The following FHOD3 variants were observed in gnomAD, a reference collection of about 807,000 sequenced individuals.
FHOD3 encodes FH1/FH2 domain-containing protein 3.
Under a neutral mutation model 173.0 loss-of-function variants are expected in FHOD3, and 90 were observed. The observed-to-expected ratio is 0.52, with a 90% CI of 0.44 to 0.62. The LOEUF is 0.62. Among genes scored for constraint, FHOD3 ranks in the 20% least tolerant of loss-of-function variants. The pLI, the probability that FHOD3 is intolerant of heterozygous loss-of-function variation, is 0.00. For synonymous variants in FHOD3, 828 were observed against 823.0 expected (o/e 1.01, Z -0.10); for missense variants, 1,945 against 2,034.7 (o/e 0.96, Z 0.85).
chr18:36,515,890 G>A (rs1366406677), intron 5 of FHOD3, among the ~76,000 whole-genome samples: 1 of 152,198 alleles, frequency 6.6e-6, no homozygotes, highest in Admixed American at 6.5e-5. Flanking sequence ...AGGTGCCTTT[G>A]CATGCCTATG....
chr18:36,460,996 T>A (rs2052515754), intron 3 of FHOD3, among the ~76,000 whole-genome samples: 1 of 152,076 alleles, frequency 6.6e-6, no homozygotes, highest in South Asian at 2.1e-4. Context: ...GCCAAGACCT[T>A]CGGAGCGGTG....
chr18:36,722,120 T>C (rs1242889602), intron 19 of FHOD3, among the ~76,000 whole-genome samples: 1 of 152,234 alleles, frequency 6.6e-6, no homozygotes, highest in Non-Finnish European at 1.5e-5. Flanking sequence ...GGTATTTTAA[T>C]AAGATGAATC....
chr18:36,324,889 A>G (rs1342681650), intron 1 of FHOD3, among the ~76,000 whole-genome samples: 1 of 152,198 alleles, frequency 6.6e-6, no homozygotes, highest in Non-Finnish European at 1.5e-5. Flanking sequence ...TACAAAACAG[A>G]GCAGTCTGTG....
At chr18:36,326,566 G>C (rs2044681245) in intron 1 of FHOD3, among the ~76,000 whole-genome samples, 1 of 152,062 alleles carries the variant, frequency 6.6e-6, no homozygotes, top group South Asian at 2.1e-4. Context: ...CCAGGACTTT[G>C]AGACTAGCCT....
chr18:36,765,501 G>T (rs927130736), intron 27 of FHOD3, among the ~76,000 whole-genome samples: 1 of 152,164 alleles, frequency 6.6e-6, no homozygotes, highest in Non-Finnish European at 1.5e-5. Flanking sequence ...GATAATAGCA[G>T]CAGACCCATA....
intron 2 of FHOD3, among the ~76,000 whole-genome samples, chr18:36,368,733 T>A (rs528386457): frequency 4.6e-5 from 7 of 152,262 alleles, no homozygotes; most frequent in African/African-American, 1.7e-4. Context: ...AAACTTAGAA[T>A]CATGGCAGAA....
chr18:36,397,309 T>G (rs1434703444), intron 3 of FHOD3, among the ~76,000 whole-genome samples: 1 of 152,226 alleles, frequency 6.6e-6, no homozygotes, highest in Non-Finnish European at 1.5e-5. Flanking sequence ...GCTGAACAGA[T>G]AATAATAGCA....
At chr18:36,553,295 C>T (rs1366604385) in intron 5 of FHOD3, among the ~76,000 whole-genome samples, 16 of 152,170 alleles carry the variant, frequency 1.1e-4, no homozygotes, top group Non-Finnish European at 2.1e-4. Flanking sequence ...TTGGTTGTGT[C>T]TCTGCCAGGC....
intron 10 of FHOD3, among the ~76,000 whole-genome samples, chr18:36,634,959 G>A (rs2034778906): frequency 6.6e-6 from 1 of 152,188 alleles, no homozygotes; most frequent in South Asian, 2.1e-4. Context: ...AGCTACTTGG[G>A]AAGATTTATC....
chr18:36,576,938 T>C (rs992614024), intron 6 of FHOD3, among the ~76,000 whole-genome samples: 8 of 151,772 alleles, frequency 5.3e-5, no homozygotes, highest in Non-Finnish European at 8.8e-5. Context: ...ACTAAAAATA[T>C]AAAAATTAGC....
chr18:36,476,984 C>T (rs1457465578), intron 3 of FHOD3, among the ~76,000 whole-genome samples: 1 of 152,190 alleles, frequency 6.6e-6, no homozygotes, highest in East Asian at 1.9e-4. Context: ...CATACAGTGT[C>T]ATAAATAAAT....
rs555729271 is a variant in FHOD3 at position 36,414,485 on chromosome 18, G to A, written c.337+41741G>A. Among the ~76,000 whole-genome samples, 67 of 152,338 alleles carry A rather than the reference G, an allele frequency of 4.4e-4. 1 individual carries two copies. The South Asian group carries it at 0.013, about 31-fold the overall frequency. Reference sequence around the variant, plus strand: ...GTGAGTTCCAGAGCCAAAGGTGGCAGCAATACCAAGGAGAGCTGCTGCCCA... The same window carrying A: ...GTGAGTTCCAGAGCCAAAGGTGGCAACAATACCAAGGAGAGCTGCTGCCCA... On this transcript the variant is annotated intron_variant, in intron 3 of 28. Transcript: ENST00000590592.
At chr18:36,517,404 C>A (rs1440203358) in intron 5 of FHOD3, among the ~76,000 whole-genome samples, 1 of 152,074 alleles carries the variant, frequency 6.6e-6, no homozygotes, top group Non-Finnish European at 1.5e-5. Context: ...TGAAGCAGGT[C>A]CCTGTGGGGT....
chr18:36,455,844 A>G (rs2052167544), intron 3 of FHOD3, among the ~76,000 whole-genome samples: 1 of 151,946 alleles, frequency 6.6e-6, no homozygotes, highest in Admixed American at 6.6e-5. Flanking sequence ...ATATTCATCT[A>G]TTTTTGTTTT....
chr18:36,567,106 G>T (rs2058292650), intron 5 of FHOD3, among the ~76,000 whole-genome samples: 1 of 152,182 alleles, frequency 6.6e-6, no homozygotes, highest in Non-Finnish European at 1.5e-5. Context: ...AGGACCTACT[G>T]AGGTAGGCAG....
At chr18:36,444,082 G>A (rs1482645807) in intron 3 of FHOD3, among the ~76,000 whole-genome samples, 1 of 149,456 alleles carries the variant, frequency 6.7e-6, no homozygotes. Context: ...AGTCCCAGCT[G>A]TTCAGGAGGC....
chr18:36,531,953 G>T (rs763763381), intron 5 of FHOD3, among the ~76,000 whole-genome samples: 115 of 152,302 alleles, frequency 7.6e-4, no homozygotes, highest in Admixed American at 2.0e-3. Flanking sequence ...CTTTTGCCGA[G>T]TCTTGTACTT....
chr18:36,670,821 G>T (rs918824032), intron 14 of FHOD3, among the ~76,000 whole-genome samples: 3 of 152,108 alleles, frequency 2.0e-5, no homozygotes, highest in African/African-American at 7.2e-5. Flanking sequence ...CTTTGTTCTG[G>T]GATGGGCTTA....
At chr18:36,593,098 G>A (rs780784658) in intron 6 of FHOD3, among the ~76,000 whole-genome samples, 3 of 152,228 alleles carry the variant, frequency 2.0e-5, no homozygotes, top group Non-Finnish European at 2.9e-5. Flanking sequence ...AGGAGACTTT[G>A]GTTGCCCAGA....
Sources: gnomAD v4.1 joint callset for allele counts (sites outside exome capture counted in the v4.1 genomes callset) on GRCh38, gnomAD v4.1.1 for gene constraint, MANE v1.5 for transcripts, NCBI Gene and HGNC (gene_info 2026-07-23, HGNC 2026-07-21) for gene names.